CTNND2: variants seen among roughly 807,000 people sequenced by gnomAD.
The protein encoded by CTNND2 is catenin delta-2.
Under a neutral mutation model 144.4 loss-of-function variants are expected in CTNND2, and 22 were observed. The ratio of observed to expected loss-of-function variants is 0.15; its 90% CI spans 0.11 to 0.22. The LOEUF (loss-of-function observed/expected upper bound fraction) is 0.22. CTNND2 is among the 10% of genes least tolerant of loss of function. The pLI is 1.00. For missense variants in CTNND2, 1,353 were observed against 1,618.8 expected (o/e 0.84, Z 2.82); for synonymous variants, 751 against 695.6 (o/e 1.08, Z -1.25).
chr5:11,024,956 T>C (rs1742662792), intron 16 of CTNND2, among the ~76,000 whole-genome samples: 2 of 152,202 alleles, frequency 1.3e-5, no homozygotes, highest in African/African-American at 4.8e-5. Flanking sequence ...ATTCAAGTAC[T>C]ATCATTTTCC....
chr5:11,313,192 G>C (rs112374273), intron 9 of CTNND2, among the ~76,000 whole-genome samples: 2 of 152,130 alleles, frequency 1.3e-5, no homozygotes, highest in East Asian at 3.8e-4. Context: ...TTTCAACTCC[G>C]TCACAAGAAG....
At chr5:11,673,120 T>C (rs373595173) in intron 2 of CTNND2, among the ~76,000 whole-genome samples, 1 of 152,200 alleles carries the variant, frequency 6.6e-6, no homozygotes, top group South Asian at 2.1e-4. Flanking sequence ...ATCACTTTAA[T>C]ACTCATGGGT....
At chr5:11,542,939 C>T (rs1350051445) in intron 3 of CTNND2, among the ~76,000 whole-genome samples, 2 of 152,204 alleles carry the variant, frequency 1.3e-5, no homozygotes, top group Non-Finnish European at 2.9e-5. Flanking sequence ...TTATTAACAT[C>T]AAATCTTCAC....
At chr5:11,016,916 G>A (rs1473154840) in intron 18 of CTNND2, among the ~76,000 whole-genome samples, 7 of 151,752 alleles carry the variant, frequency 4.6e-5, no homozygotes, top group South Asian at 2.1e-4. Context: ...GATTACAGGC[G>A]CTGCTACCAC....
chr5:11,519,315 T>A (rs1201825513), intron 3 of CTNND2, among the ~76,000 whole-genome samples: 1 of 152,180 alleles, frequency 6.6e-6, no homozygotes, highest in Non-Finnish European at 1.5e-5. Flanking sequence ...TTTTGACCCC[T>A]TCATTTCATT....
At chr5:10,991,003 C>A (rs1199897917) in intron 19 of CTNND2, among the ~76,000 whole-genome samples, 4 of 152,208 alleles carry the variant, frequency 2.6e-5, no homozygotes, top group African/African-American at 4.8e-5. Flanking sequence ...TGCGCTTTAT[C>A]TTTTTAAGCC....
At chr5:11,129,420 C>T (rs1269484430) in intron 12 of CTNND2, among the ~76,000 whole-genome samples, 1 of 143,266 alleles carries the variant, frequency 7.0e-6, no homozygotes. Flanking sequence ...GAGGCCAGGC[C>T]ACTGTTCGAT....
chr5:11,787,239 C>A (rs186448095), intron 1 of CTNND2, among the ~76,000 whole-genome samples: 60 of 152,306 alleles, frequency 3.9e-4, no homozygotes, highest in African/African-American at 1.4e-3. Context: ...CTAAGCAAAA[C>A]TGTTACGCAT....
chr5:11,367,879 G>T (rs1757125591), intron 7 of CTNND2, among the ~76,000 whole-genome samples: 1 of 152,186 alleles, frequency 6.6e-6, no homozygotes, highest in Non-Finnish European at 1.5e-5. Flanking sequence ...ATAATGTCAT[G>T]CAATCATAAT....
chr5:11,650,662 C>A (rs1478930702), intron 2 of CTNND2, among the ~76,000 whole-genome samples: 1 of 152,118 alleles, frequency 6.6e-6, no homozygotes, highest in Non-Finnish European at 1.5e-5. Context: ...AGATGAGGAA[C>A]TTACTGGGAA....
intron 1 of CTNND2, among the ~76,000 whole-genome samples, chr5:11,837,152 C>T (rs1214068241): frequency 2.0e-5 from 3 of 152,114 alleles, no homozygotes; most frequent in Non-Finnish European, 4.4e-5. Flanking sequence ...AACACATGTC[C>T]GTTAAAGTCC....
intron 15 of CTNND2, among the ~76,000 whole-genome samples, chr5:11,086,811 C>T (rs1324105519): frequency 6.6e-6 from 1 of 152,174 alleles, no homozygotes; most frequent in Non-Finnish European, 1.5e-5. Context: ...AAAGTTCCCC[C>T]TTGCTGAAAC....
intron 1 of CTNND2, among the ~76,000 whole-genome samples, chr5:11,886,960 T>C (rs1478399972): frequency 1.3e-5 from 2 of 151,336 alleles, no homozygotes; most frequent in Non-Finnish European, 2.9e-5. Flanking sequence ...AAATAAGATG[T>C]TTTCTATCCT....
At chr5:11,703,320 C>A (rs1218806288) in intron 2 of CTNND2, among the ~76,000 whole-genome samples, 1 of 152,128 alleles carries the variant, frequency 6.6e-6, no homozygotes, top group East Asian at 1.9e-4. Context: ...TAGCAACCAC[C>A]ATAGAGGTTT....
At chr5:11,650,324 T>C (rs1782585465) in intron 2 of CTNND2, among the ~76,000 whole-genome samples, 1 of 152,210 alleles carries the variant, frequency 6.6e-6, no homozygotes, top group Non-Finnish European at 1.5e-5. Context: ...CAACCATGCT[T>C]CCTGTACAGC....
chr5:11,833,186 T>C (rs1259371008), intron 1 of CTNND2, among the ~76,000 whole-genome samples: 1 of 152,212 alleles, frequency 6.6e-6, no homozygotes, highest in African/African-American at 2.4e-5. Flanking sequence ...CAAATGTTTG[T>C]AGCAAATTTA....
intron 11 of CTNND2, among the ~76,000 whole-genome samples, chr5:11,175,026 T>C (rs1035948382): frequency 3.5e-4 from 54 of 152,302 alleles, no homozygotes; most frequent in African/African-American, 1.2e-3. Context: ...TAAAGCTACA[T>C]TGTTTCCTGA....
chr5:11,065,811 A>G (rs1352171166), intron 16 of CTNND2, among the ~76,000 whole-genome samples: 2 of 152,200 alleles, frequency 1.3e-5, no homozygotes, highest in East Asian at 1.9e-4. Context: ...TTTCTTTGCC[A>G]TATTTTGAAA....
intron 11 of CTNND2, among the ~76,000 whole-genome samples, chr5:11,189,018 C>G (rs183011187): frequency 8.8e-4 from 134 of 152,310 alleles, no homozygotes; most frequent in African/African-American, 2.8e-3. Context: ...GTCTTGTCCA[C>G]TACGACACAA....
Sources: gnomAD v4.1 joint callset for allele counts (sites outside exome capture counted in the v4.1 genomes callset) on GRCh38, gnomAD v4.1.1 for gene constraint, MANE v1.5 for transcripts, NCBI Gene and HGNC (gene_info 2026-07-23, HGNC 2026-07-21) for gene names.